MALRD1: variants seen among roughly 807,000 people sequenced by gnomAD.
MALRD1 encodes the protein MAM and LDL-receptor class A domain-containing protein 1.
In MALRD1, 247 loss-of-function variants were observed where a neutral mutation model predicts 242.1. That is an observed-to-expected ratio of 1.02 (90% confidence interval 0.92 to 1.13). The LOEUF (loss-of-function observed/expected upper bound fraction) is 1.13, where lower values mean the gene tolerates loss of function less well. Among genes scored for constraint, MALRD1 ranks in the 50% most tolerant of loss-of-function variants. The probability of loss-of-function intolerance (pLI) is 0.00; values close to 1 mark genes in which losing one functional copy is unlikely to be tolerated. For missense variants in MALRD1, 2,989 were observed against 2,533.1 expected (o/e 1.18, Z -3.86); for synonymous variants, 995 against 866.6 (o/e 1.15, Z -2.60).
At chr10:19,329,412 A>ACC (rs371714617) in intron 23 of MALRD1, among the ~76,000 whole-genome samples, 17,242 of 88,954 alleles carry the variant, frequency 0.19, 1,022 homozygotes, top group Non-Finnish European at 0.21. Flanking sequence ...TTTATTTGGG[A>ACC]CCCCCCCCCA....
upstream of MALRD1, among the ~76,000 whole-genome samples, chr10:19,048,585 C>G (rs1159096713): frequency 6.6e-6 from 1 of 152,174 alleles, no homozygotes; most frequent in Non-Finnish European, 1.5e-5. Context: ...GTGGTTGCCT[C>G]TCCCCTGCTG....
intron 1 of MALRD1, chr10:19,051,941 A>C (rs1444340678): frequency 6.6e-5 from 13 of 198,304 alleles, no homozygotes; most frequent in African/African-American, 1.7e-4. Context: ...AAAAAAAAAA[A>C]AAAAAAAAAA....
intron 33 of MALRD1, among the ~76,000 whole-genome samples, chr10:19,576,958 ATT>A (rs1836858911): frequency 7.6e-6 from 1 of 131,494 alleles, no homozygotes; most frequent in Non-Finnish European, 1.6e-5. Context: ...AAAAATCCAC[ATT>A]GTCGTTTTTT....
intron 1 of MALRD1, among the ~76,000 whole-genome samples, chr10:19,061,743 ATTGGAG>A (rs547347145): frequency 1.3e-3 from 197 of 152,314 alleles, no homozygotes; most frequent in African/African-American, 4.1e-3. Context: ...AAGCAAAATA[ATTGGAG>A]TTGGACCCTT....
intron 21 of MALRD1, among the ~76,000 whole-genome samples, chr10:19,309,113 T>C (rs965215725): frequency 5.3e-5 from 8 of 151,582 alleles, no homozygotes; most frequent in African/African-American, 1.9e-4. Context: ...TCTGTCATTG[T>C]TAAATGAACC....
At chr10:19,369,605 A>C (rs1845280094) in intron 26 of MALRD1, among the ~76,000 whole-genome samples, 1 of 143,924 alleles carries the variant, frequency 6.9e-6, no homozygotes, top group Non-Finnish European at 1.5e-5. Context: ...ATAGCCGCAT[A>C]AATATATTTA....
chr10:19,670,965 G>A (rs529268343), intron 36 of MALRD1, among the ~76,000 whole-genome samples: 51 of 149,488 alleles, frequency 3.4e-4, no homozygotes, highest in Non-Finnish European at 5.0e-4. Context: ...TGCAAGCTCC[G>A]CCTCCCGGGT....
chr10:19,691,240 A>G (rs1842805643), intron 36 of MALRD1, among the ~76,000 whole-genome samples: 2 of 152,138 alleles, frequency 1.3e-5, no homozygotes, highest in Admixed American at 1.3e-4. Context: ...CTTCATTTCT[A>G]CTTTTAAAAT....
At chr10:19,120,720 A>G (rs1837029512) in intron 5 of MALRD1, among the ~76,000 whole-genome samples, 1 of 152,162 alleles carries the variant, frequency 6.6e-6, no homozygotes, top group Non-Finnish European at 1.5e-5. Context: ...TTTCAAATTT[A>G]ATAAAAGCCA....
intron 32 of MALRD1, among the ~76,000 whole-genome samples, chr10:19,539,229 A>G (rs1834820326): frequency 6.6e-6 from 1 of 152,178 alleles, no homozygotes; most frequent in Admixed American, 6.5e-5. Flanking sequence ...GACGTTATCT[A>G]CATTTTAACA....
intron 32 of MALRD1, among the ~76,000 whole-genome samples, chr10:19,550,665 G>A (rs1441601640): frequency 6.6e-6 from 1 of 152,086 alleles, no homozygotes; most frequent in African/African-American, 2.4e-5. Flanking sequence ...TCCCTGCACG[G>A]GATGTGATCT....
chr10:19,174,758 A>C (rs1340158280), intron 13 of MALRD1, among the ~76,000 whole-genome samples: 3 of 152,164 alleles, frequency 2.0e-5, no homozygotes, highest in African/African-American at 7.2e-5. Context: ...CTGTGTATGT[A>C]TATAATATAT....
chr10:19,209,162 A>G lies in MALRD1; in HGVS notation c.2579-106A>G, dbSNP rs1238984348. The stretch of plus-strand genomic sequence containing the variant: ...TAAAAATAAAATGGCTTACCTTGGC[A>G]TGAGCAAAGTATCAACTAGCATTCT... On this transcript the variant is annotated intron_variant, in intron 17 of 39. Coordinates refer to ENST00000454679, the MANE Select transcript of MALRD1 (RefSeq NM_001142308.3). 5 of 1,062,960 alleles carry G rather than the reference A, an allele frequency of 4.7e-6. No homozygotes were observed. In the East Asian group the frequency reaches 1.4e-4, roughly 29 times the overall value. The allele number at this position is 1,062,960 out of a possible 1,614,324, so 65.8% of individuals were successfully genotyped here. A position where few individuals can be genotyped will look rare whatever the true frequency, so the allele number is the denominator to read the frequency against.
chr10:19,544,399 G>A (rs1406103316), intron 32 of MALRD1, among the ~76,000 whole-genome samples: 1 of 151,932 alleles, frequency 6.6e-6, no homozygotes, highest in Non-Finnish European at 1.5e-5. Context: ...TGTTGGCCAG[G>A]CTGGTCTCGA....
rs530899668 is a variant in MALRD1, at chr10:19,326,451, A to G, written c.3577-1112A>G. Among the ~76,000 whole-genome samples the G allele has an allele frequency of 5.1e-3, 775 of 152,228 alleles. 6 individuals are homozygous for G. The highest frequency in any genetic ancestry group is 0.031 in the Middle Eastern group (9 of 290). The stretch of plus-strand genomic sequence containing the variant: ...ATAAAATAACATTAAATGTTGCATT[A>G]GTAAGTTTCTTGAACATATTTTTTC... On this transcript the variant is annotated intron_variant, in intron 22 of 39. Coordinates refer to ENST00000454679, the MANE Select transcript of MALRD1 (RefSeq NM_001142308.3).
intron 35 of MALRD1, among the ~76,000 whole-genome samples, chr10:19,614,792 G>A (rs1839065085): frequency 6.6e-6 from 1 of 152,040 alleles, no homozygotes; most frequent in Non-Finnish European, 1.5e-5. Flanking sequence ...GGACGAACTT[G>A]AGTTATACTG....
chr10:19,405,025 G>T (rs1847029353), intron 28 of MALRD1, among the ~76,000 whole-genome samples: 1 of 152,118 alleles, frequency 6.6e-6, no homozygotes, highest in Admixed American at 6.6e-5. Context: ...TATTTAGTAG[G>T]TTTTTCATGA....
At chr10:19,630,380 G>A (rs148852347) in intron 36 of MALRD1, among the ~76,000 whole-genome samples, 145 of 152,200 alleles carry the variant, frequency 9.5e-4, no homozygotes, top group African/African-American at 3.4e-3. Context: ...TCGTTTTAGT[G>A]CTACCACCAT....
At chr10:19,648,629 T>G (rs1589357449) in intron 36 of MALRD1, among the ~76,000 whole-genome samples, 1 of 152,170 alleles carries the variant, frequency 6.6e-6, no homozygotes, top group East Asian at 1.9e-4. Context: ...AATACAAACT[T>G]ACAGAGATTC....
Sources: allele counts gnomAD v4.1 joint callset (sites outside exome capture counted in the v4.1 genomes callset), GRCh38; gene constraint gnomAD v4.1.1; transcripts MANE v1.5; gene names NCBI Gene and HGNC (gene_info 2026-07-23, HGNC 2026-07-21).